RGS12: variants seen among roughly 807,000 people sequenced by gnomAD.
RGS12 encodes regulator of G-protein signaling 12.
Under a neutral mutation model 120.1 loss-of-function variants are expected in RGS12, and 66 were observed. The observed-to-expected ratio is 0.55, with a 90% CI of 0.45 to 0.67. The LOEUF is 0.67. Ranked by LOEUF, RGS12 falls within the 30% of genes least tolerant of loss-of-function variation. The probability of loss-of-function intolerance (pLI) is 0.00; values close to 1 mark genes in which losing one functional copy is unlikely to be tolerated. For missense variants in RGS12, 1,859 were observed against 1,957.7 expected (o/e 0.95, Z 0.95); for synonymous variants, 827 against 804.7 (o/e 1.03, Z -0.47).
At position 3,366,502 on chromosome 4, in the gene RGS12, C is replaced by T. The variant is rs1317364876; in HGVS notation, c.1999-19914C>T. 2.0e-5 allele frequency among the ~76,000 whole-genome samples: 3 copies of T among 152,192 alleles called. No homozygotes were observed. The highest frequency in any genetic ancestry group is 2.9e-5 in the Non-Finnish European group (2 of 68,024). On this transcript the variant is annotated intron_variant, in intron 3 of 17. Coordinates refer to ENST00000336727, the MANE Select transcript of RGS12 (RefSeq NM_001394154.1). This position sits in a 1 kb window ranked among gnomAD's most constrained non-coding sequence, Gnocchi z 4.0. ...CCAGTTCCCGCCTCTCTGCCTCGCACGCCCTCCTAGCTGAGAGTGAGGTGG... is the reference window on the plus strand; with the variant it reads ...CCAGTTCCCGCCTCTCTGCCTCGCATGCCCTCCTAGCTGAGAGTGAGGTGG...
At chr4:3,356,564 A>T (rs1578805668) in intron 3 of RGS12, among the ~76,000 whole-genome samples, 1 of 122,092 alleles carries the variant, frequency 8.2e-6, no homozygotes, top group Non-Finnish European at 1.6e-5. Context: ...GGCAGCCACC[A>T]TTCTACTTTC....
intron 9 of RGS12, chr4:3,418,777 A>G (rs962124550): frequency 6.6e-6 from 1 of 152,072 alleles, no homozygotes; most frequent in Non-Finnish European, 1.5e-5. Flanking sequence ...ACACTATGTT[A>G]TTAGGTGGGG....
At chr4:3,437,123 C>T (rs928361054) in intron 17 of RGS12, among the ~76,000 whole-genome samples, 2 of 152,158 alleles carry the variant, frequency 1.3e-5, no homozygotes, top group Non-Finnish European at 2.9e-5. Flanking sequence ...GGTGAGGCAG[C>T]GTGCTGCTCA....
chr4:3,432,707 G>C (rs931073781), intron 17 of RGS12, among the ~76,000 whole-genome samples: 1 of 152,246 alleles, frequency 6.6e-6, no homozygotes, highest in Non-Finnish European at 1.5e-5. Context: ...CCTGCGCTCT[G>C]GTGGCTGCCC....
chr4:3,404,208 A>G, intron 4 of RGS12, among the ~76,000 whole-genome samples: 1 of 152,246 alleles, frequency 6.6e-6, no homozygotes, highest in Non-Finnish European at 1.5e-5. Flanking sequence ...CTCTTCCATG[A>G]GAAAACCAAG....
chr4:3,423,450 C>T (rs1012211024), intron 12 of RGS12, 65 bp from the exon 13 acceptor site: 30 of 1,597,198 alleles, frequency 1.9e-5, no homozygotes, highest in Admixed American at 1.3e-4. Flanking sequence ...TAGTTCTGCT[C>T]GTGAGACTGA....
intron 17 of RGS12, among the ~76,000 whole-genome samples, chr4:3,435,951 C>CCCCCACTCCCCTATT (rs151056008): frequency 6.6e-6 from 1 of 151,742 alleles, no homozygotes. Context: ...CCCTCAGTCA[C>CCCCCACTCCCCTATT]CCCCACTCCC....
At position 3,417,406 on chromosome 4, in the gene RGS12, T is replaced by C; in HGVS notation, c.2626T>C (p.Ser876Pro). The C allele has an allele frequency of 6.4e-7, 1 of 1,571,620 alleles. No individual in the cohort carries two copies. Among genetic ancestry groups the C allele is most frequent in the Non-Finnish European group, 8.6e-7 (1 of 1,157,690 alleles). Residue 876 changes from serine (S) to proline (P), a missense_variant, in exon 9 of 18, where the codon TCC becomes CCC. Physicochemically the swap from Ser to Pro is moderately conservative, Grantham distance 74 (BLOSUM62 -1). Coordinates refer to ENST00000336727, the MANE Select transcript of RGS12 (RefSeq NM_001394154.1). ...TPKKLSGKSK[S>P]GRSLNEELGD... ...ATGACAGTTAAGTGGAAAATCAAAA[T>C]CCGGCCGATCCCTGAATGAAGAGCT...
At chr4:3,430,018 C>T (rs1313906430) in intron 16 of RGS12, among the ~76,000 whole-genome samples, 2 of 152,204 alleles carry the variant, frequency 1.3e-5, no homozygotes, top group African/African-American at 2.4e-5. Flanking sequence ...GCTGACCAAC[C>T]GGAGGAGGGG....
intron 3 of RGS12, among the ~76,000 whole-genome samples, chr4:3,357,114 A>G (rs1714969234): frequency 6.6e-6 from 1 of 151,852 alleles, no homozygotes; most frequent in Admixed American, 6.6e-5. Flanking sequence ...TTTGATTTGT[A>G]TTTCCCTAAT....
rs552982969 is a variant in RGS12, at chr4:3,358,417, A to C, written c.1998+15364A>C. Among the ~76,000 whole-genome samples, 7 of 152,316 alleles carry C rather than the reference A, an allele frequency of 4.6e-5. No homozygotes were observed. The East Asian group carries it at 1.2e-3, about 25-fold the overall frequency. On this transcript the variant is annotated intron_variant, in intron 3 of 17. Transcript: ENST00000336727. Reference sequence around the variant, plus strand: ...GCATTCATGCCTTGTTCCTGATCTTAGATGAAAAGCTTTGTCATTCTCCAA... The same window carrying C: ...GCATTCATGCCTTGTTCCTGATCTTCGATGAAAAGCTTTGTCATTCTCCAA...
chr4:3,340,181 G>A (rs1024829126), intron 2 of RGS12, among the ~76,000 whole-genome samples: 1 of 152,218 alleles, frequency 6.6e-6, no homozygotes, highest in African/African-American at 2.4e-5. Flanking sequence ...ACTGCCCAGC[G>A]CCTTCTCAGG....
At chr4:3,428,211 G>A (rs373892377) in intron 15 of RGS12, 42 bp downstream of exon 15, 50 of 1,557,374 alleles carry the variant, frequency 3.2e-5, no homozygotes, top group Non-Finnish European at 4.3e-5. Context: ...TGCTCCTCTC[G>A]CTGTGGCCCC....
At chr4:3,362,439 GGT>G (rs961882489) in intron 3 of RGS12, among the ~76,000 whole-genome samples, 15 of 149,672 alleles carry the variant, frequency 1.0e-4, no homozygotes, top group African/African-American at 2.4e-4. Flanking sequence ...GTTGTGCAAG[GGT>G]GTGTGTGTGA....
At chr4:3,295,791 C>G (rs1234161709) in intron 1 of RGS12, among the ~76,000 whole-genome samples, 2 of 152,006 alleles carry the variant, frequency 1.3e-5, no homozygotes, top group Non-Finnish European at 2.9e-5. Context: ...TTCAAGCACA[C>G]AAAATCCTAA....
chr4:3,372,492 C>A lies in RGS12; in HGVS notation c.1999-13924C>A, dbSNP rs116634551. 1.3e-5 allele frequency among the ~76,000 whole-genome samples: 2 copies of A among 152,206 alleles called. No homozygotes were observed. Among genetic ancestry groups the A allele is most frequent in the African/African-American group, 2.4e-5 (1 of 41,434 alleles). ...GAGCCGCCCGAGCTGTTGGCTTCCC[C>A]GATGTTCCCCCTGTGCTCGAGCTAG... On this transcript the variant is annotated intron_variant, in intron 3 of 17. Coordinates refer to ENST00000336727, the MANE Select transcript of RGS12 (RefSeq NM_001394154.1). The surrounding 1 kb of genome is among the most constrained non-coding windows in gnomAD (Gnocchi z 4.3).
intron 1 of RGS12, among the ~76,000 whole-genome samples, chr4:3,301,992 A>ATTTTTTTT: frequency 6.8e-6 from 1 of 147,956 alleles, no homozygotes; most frequent in Non-Finnish European, 1.5e-5. Flanking sequence ...GGTATCCTGT[A>ATTTTTTTT]TTTTTTTTTT....
chr4:3,317,300 C>G lies in RGS12; in HGVS notation c.1130C>G (p.Ala377Gly). ...PDTNGCLEFPASSLPVLQFIS... is the reference protein window; with the variant it reads ...PDTNGCLEFPGSSLPVLQFIS... ...ACCAATGGCTGTCTGGAATTCCCGG[C>G]GTCCTCCCTCCCCGTCCTGCAGTTC... Residue 377 changes from alanine (A) to glycine (G), a missense_variant, in exon 2 of 18, where the codon GCG (alanine) becomes GGG (glycine). Ala to Gly is a moderately conservative substitution (Grantham distance 60). Transcript: ENST00000336727. 15 of 1,614,152 alleles carry G rather than the reference C, an allele frequency of 9.3e-6. No homozygotes were observed. The highest frequency in any genetic ancestry group is 1.3e-5 in the Non-Finnish European group (15 of 1,180,032).
upstream of RGS12, among the ~76,000 whole-genome samples, chr4:3,290,714 C>T (rs1722986051): frequency 6.6e-6 from 1 of 152,268 alleles, no homozygotes; most frequent in Non-Finnish European, 1.5e-5. Context: ...CTCCATGGCC[C>T]TCCCTGTGCC....
Sources: allele counts gnomAD v4.1 joint callset (sites outside exome capture counted in the v4.1 genomes callset), GRCh38; gene constraint gnomAD v4.1.1; non-coding constraint Gnocchi (gnomAD v3.1); transcripts MANE v1.5; gene names NCBI Gene and HGNC (gene_info 2026-07-23, HGNC 2026-07-21).